KANK1: variants seen among roughly 807,000 people sequenced by gnomAD.
The protein encoded by KANK1 is KN motif and ankyrin repeat domains 1.
KANK1 carries 109 observed loss-of-function variants against 106.2 expected under a neutral mutation model. The observed-to-expected ratio is 1.03, with a 90% CI of 0.88 to 1.20. The LOEUF (loss-of-function observed/expected upper bound fraction) is 1.20, where lower values mean the gene tolerates loss of function less well. Ranked by LOEUF, KANK1 falls within the 50% of genes most tolerant of loss-of-function variation. KANK1 has a pLI of 0.00. For missense variants in KANK1, 2,399 were observed against 1,710.7 expected (o/e 1.40, Z -7.10); for synonymous variants, 873 against 652.2 (o/e 1.34, Z -5.16).
intron 3 of KANK1, among the ~76,000 whole-genome samples, chr9:483,934 G>C (rs980255905): frequency 3.9e-5 from 6 of 152,170 alleles, no homozygotes; most frequent in African/African-American, 1.4e-4. Flanking sequence ...GATTTGAAGA[G>C]AAGATACCCC....
intron 1 of KANK1, among the ~76,000 whole-genome samples, chr9:628,377 C>G (rs528729355): frequency 2.0e-5 from 3 of 152,030 alleles, no homozygotes; most frequent in Admixed American, 6.6e-5. Flanking sequence ...GTTCCAAATC[C>G]TGAATAACTC....
At chr9:649,919 G>A (rs543347184) in intron 1 of KANK1, among the ~76,000 whole-genome samples, 3 of 152,206 alleles carry the variant, frequency 2.0e-5, no homozygotes, top group East Asian at 3.9e-4. Flanking sequence ...CGTCATCCCC[G>A]TTGCCCTTTT....
intron 1 of KANK1, among the ~76,000 whole-genome samples, chr9:543,015 G>C (rs1010336821): frequency 6.6e-5 from 10 of 152,174 alleles, no homozygotes; most frequent in Admixed American, 5.9e-4. Flanking sequence ...ATTACTAAGA[G>C]ATTAGCTCTC....
intron 1 of KANK1, among the ~76,000 whole-genome samples, chr9:617,649 A>G (rs947424328): frequency 4.6e-5 from 7 of 152,168 alleles, no homozygotes; most frequent in African/African-American, 1.7e-4. Context: ...GTGGGCAGGA[A>G]AAGTTACTTC....
At chr9:604,202 G>T (rs1416458613) in intron 1 of KANK1, among the ~76,000 whole-genome samples, 1 of 151,610 alleles carries the variant, frequency 6.6e-6, no homozygotes, top group Non-Finnish European at 1.5e-5. Context: ...TCCTGGAGAC[G>T]TGGTAAACAA....
At chr9:633,319 G>T (rs757723867) in intron 1 of KANK1, among the ~76,000 whole-genome samples, 1 of 151,968 alleles carries the variant, frequency 6.6e-6, no homozygotes, top group South Asian at 2.1e-4. Context: ...TTAGCCGGGC[G>T]TGGTGGCGGG....
intron 1 of KANK1, among the ~76,000 whole-genome samples, chr9:647,069 G>C (rs1041631268): frequency 1.3e-5 from 2 of 151,078 alleles, no homozygotes. Context: ...CCTTCCAGAA[G>C]CCATCCCCAT....
chr9:613,526 C>G (rs964416185), intron 1 of KANK1, among the ~76,000 whole-genome samples: 1 of 151,934 alleles, frequency 6.6e-6, no homozygotes, highest in African/African-American at 2.4e-5. Flanking sequence ...CAAGACAATT[C>G]TTCTAGTGTG....
chr9:515,222 G>A (rs1178817059), intron 1 of KANK1, among the ~76,000 whole-genome samples: 6 of 151,412 alleles, frequency 4.0e-5, no homozygotes, highest in Non-Finnish European at 8.8e-5. Flanking sequence ...GCGGGAGCCT[G>A]TAGTCCCAGC....
intron 3 of KANK1, among the ~76,000 whole-genome samples, chr9:725,680 G>T (rs761389493): frequency 1.2e-4 from 19 of 152,094 alleles, no homozygotes; most frequent in Non-Finnish European, 2.5e-4. Flanking sequence ...TCCCAGAACT[G>T]CAGAATGATC....
At chr9:565,935 G>T (rs1032810649) in intron 1 of KANK1, among the ~76,000 whole-genome samples, 2 of 152,150 alleles carry the variant, frequency 1.3e-5, no homozygotes, top group African/African-American at 4.8e-5. Context: ...TGTCATGGGG[G>T]TTTGTTGTAC....
At chr9:528,346 G>T (rs892331899) in intron 1 of KANK1, among the ~76,000 whole-genome samples, 8 of 151,438 alleles carry the variant, frequency 5.3e-5, no homozygotes, top group African/African-American at 1.9e-4. Flanking sequence ...TGGTCCTTCT[G>T]GGCAATCCTC....
intron 11 of KANK1, chr9:744,951 C>T: frequency 6.9e-7 from 1 of 1,451,816 alleles, no homozygotes; most frequent in Non-Finnish European, 9.0e-7. Context: ...ACAGTTCACT[C>T]TGAGTGGGAA....
In KANK1 at chr9:590,932, G is replaced by A. The variant is rs998445562; in HGVS notation, c.-83-85958G>A. Reference sequence around the variant, plus strand: ...TACACATTGCCTGGAAGACTGAACCGATTTACAGTTCCATCACCAGTATGC... The same window carrying A: ...TACACATTGCCTGGAAGACTGAACCAATTTACAGTTCCATCACCAGTATGC... On this transcript the variant is annotated intron_variant, in intron 1 of 11. Coordinates refer to ENST00000382297, the MANE Select transcript of KANK1 (RefSeq NM_015158.5). Among the ~76,000 whole-genome samples, 4 of 151,744 alleles carry A rather than the reference G, an allele frequency of 2.6e-5. 1 individual carries two copies. The highest frequency in any genetic ancestry group is 1.3e-4 in the Admixed American group (2 of 15,256).
At chr9:633,997 C>T (rs1176859556) in intron 1 of KANK1, among the ~76,000 whole-genome samples, 2 of 152,178 alleles carry the variant, frequency 1.3e-5, no homozygotes, top group African/African-American at 2.4e-5. Context: ...AAACAAATTG[C>T]CTTACATGGT....
rs145521202 is a variant in KANK1, at chr9:708,793, A to G, written c.38-2011A>G. Among the ~76,000 whole-genome samples the G allele has an allele frequency of 1.2e-3, 187 of 152,200 alleles. 1 individual carries two copies. The highest frequency in any genetic ancestry group is 4.2e-3 in the African/African-American group (176 of 41,540). ...GAGGGCAGGGAGACTGATGGCTTACATTTTCACTCATTGCTTTTGAGTTCT... is the reference window on the plus strand; with the variant it reads ...GAGGGCAGGGAGACTGATGGCTTACGTTTTCACTCATTGCTTTTGAGTTCT... On this transcript the variant is annotated intron_variant, in intron 2 of 11. Transcript: ENST00000382297.
chr9:551,673 T>A (rs1259101615), intron 1 of KANK1, among the ~76,000 whole-genome samples: 1 of 152,114 alleles, frequency 6.6e-6, no homozygotes, highest in Non-Finnish European at 1.5e-5. Context: ...GGTTCTTGCC[T>A]CCACACAGCT....
At chr9:688,149 G>C (rs1184149551) in intron 2 of KANK1, among the ~76,000 whole-genome samples, 1 of 152,242 alleles carries the variant, frequency 6.6e-6, no homozygotes, top group Non-Finnish European at 1.5e-5. Context: ...TAAGTTCCCA[G>C]TTGGTCGCTC....
chr9:637,452 C>T (rs1343777452), intron 1 of KANK1, among the ~76,000 whole-genome samples: 1 of 152,096 alleles, frequency 6.6e-6, no homozygotes, highest in Non-Finnish European at 1.5e-5. Context: ...TTTCTTGCAG[C>T]AAAGTTTCAT....
Sources: gnomAD v4.1 joint callset for allele counts (sites outside exome capture counted in the v4.1 genomes callset) on GRCh38, gnomAD v4.1.1 for gene constraint, MANE v1.5 for transcripts, NCBI Gene and HGNC (gene_info 2026-07-23, HGNC 2026-07-21) for gene names.